The following ASH1L variants were observed in gnomAD, a reference collection of about 807,000 sequenced individuals.
ASH1L encodes the protein ASH1 like histone lysine methyltransferase.
In ASH1L, 23 loss-of-function variants were observed where a neutral mutation model predicts 269.0. The ratio of observed to expected loss-of-function variants is 0.09; its 90% confidence interval spans 0.06 to 0.12. The LOEUF (loss-of-function observed/expected upper bound fraction) is 0.12. Among genes scored for constraint, ASH1L ranks in the 10% least tolerant of loss-of-function variants. ASH1L has a pLI of 1.00. For missense variants in ASH1L, 2,912 were observed against 3,567.8 expected, an observed-to-expected ratio of 0.82 and a Z score of 4.68; for synonymous variants, 1,187 against 1,253.5, an observed-to-expected ratio of 0.95 and a Z score of 1.12.
At chr1:155,472,097 C>T (rs1002412423) in intron 3 of ASH1L, among the ~76,000 whole-genome samples, 10 of 152,174 alleles carry the variant, frequency 6.6e-5, no homozygotes, top group African/African-American at 2.4e-4. Flanking sequence ...TTGAAACTAG[C>T]CTGGCCAATA....
chr1:155,436,307 TCAGCCTCCTGAGTAGC>T (rs1256735309), intron 5 of ASH1L, among the ~76,000 whole-genome samples: 1 of 151,684 alleles, frequency 6.6e-6, no homozygotes, highest in Non-Finnish European at 1.5e-5. Flanking sequence ...TTCTCCTGCC[TCAGCCTCCTGAGTAGC>T]CGGGATTACA....
At chr1:155,394,837 T>C (rs1232612873) in intron 7 of ASH1L, among the ~76,000 whole-genome samples, 1 of 152,222 alleles carries the variant, frequency 6.6e-6, no homozygotes, top group Non-Finnish European at 1.5e-5. Context: ...ATAAATCATC[T>C]ATTTTTGAAC....
At chr1:155,506,557 C>A (rs1361170651) in intron 2 of ASH1L, among the ~76,000 whole-genome samples, 1 of 151,792 alleles carries the variant, frequency 6.6e-6, no homozygotes, top group East Asian at 1.9e-4. Context: ...ATTAGCCAGG[C>A]ATGGTGGCGT....
chr1:155,490,764 CT>C (rs1346788185), intron 2 of ASH1L, among the ~76,000 whole-genome samples: 5 of 151,910 alleles, frequency 3.3e-5, no homozygotes, highest in African/African-American at 9.7e-5. Context: ...TGAGACTACC[CT>C]GTGCAACACA....
chr1:155,432,803 T>C (rs1223578125), intron 5 of ASH1L, among the ~76,000 whole-genome samples: 2 of 152,148 alleles, frequency 1.3e-5, no homozygotes, highest in Non-Finnish European at 2.9e-5. Flanking sequence ...TGGTACAATC[T>C]AGGCTCACTG....
At chr1:155,463,611 G>A (rs1664461088) in intron 3 of ASH1L, among the ~76,000 whole-genome samples, 1 of 151,902 alleles carries the variant, frequency 6.6e-6, no homozygotes, top group Non-Finnish European at 1.5e-5. Flanking sequence ...TGGACAATAT[G>A]GCGAAACTCA....
intron 2 of ASH1L, among the ~76,000 whole-genome samples, chr1:155,508,466 C>T (rs1303767218): frequency 6.6e-6 from 1 of 152,044 alleles, no homozygotes. Context: ...TGGCAAAACC[C>T]CATCTCTACT....
chr1:155,449,230 G>A (rs747436573), intron 4 of ASH1L, among the ~76,000 whole-genome samples: 2 of 151,758 alleles, frequency 1.3e-5, no homozygotes, highest in African/African-American at 4.8e-5. Flanking sequence ...CACCACGCCC[G>A]GCCCTATGTG....
intron 7 of ASH1L, among the ~76,000 whole-genome samples, chr1:155,383,907 A>C (rs1657192557): frequency 6.6e-6 from 1 of 152,206 alleles, no homozygotes; most frequent in Non-Finnish European, 1.5e-5. Flanking sequence ...TCCACTTAAA[A>C]ATGATCAAAA....
At chr1:155,355,078 C>T (rs1472358498) in intron 15 of ASH1L, among the ~76,000 whole-genome samples, 2 of 151,766 alleles carry the variant, frequency 1.3e-5, no homozygotes, top group Admixed American at 6.6e-5. Flanking sequence ...TTTTTTGAGT[C>T]GACGTCTCCC....
intron 17 of ASH1L, among the ~76,000 whole-genome samples, chr1:155,351,222 G>T (rs1653893362): frequency 6.7e-6 from 1 of 148,986 alleles, no homozygotes; most frequent in Non-Finnish European, 1.5e-5. Flanking sequence ...TCCAGCCTGG[G>T]CAACAGAATG....
At chr1:155,541,344 A>T (rs568145416) in intron 1 of ASH1L, among the ~76,000 whole-genome samples, 88 of 152,146 alleles carry the variant, frequency 5.8e-4, no homozygotes, top group African/African-American at 2.0e-3. Flanking sequence ...TATTATATAA[A>T]TTTTTCAGTT....
chr1:155,480,089 G>A lies in ASH1L; in HGVS notation c.2781C>T (p.Asp927=). 6.2e-7 allele frequency: 1 copy of A among 1,614,062 alleles called. No individual in the cohort carries two copies. The highest frequency in any genetic ancestry group is 8.5e-7 in the Non-Finnish European group (1 of 1,180,010). The change falls in exon 3 of 28, where the codon GAC becomes GAT. Residue 927 remains aspartate (D), a synonymous_variant. Coordinates refer to ENST00000392403, the MANE Select transcript of ASH1L (RefSeq NM_018489.3). ...AGAAATCACTGCTACTTCTATGGTT[G>A]TCACTTTCAGATTCTAGCTTGCTTG... ...ESPSKLESES[D]NHRSSSDFFE...
chr1:155,355,560 T>TA (rs1654301834), intron 15 of ASH1L, among the ~76,000 whole-genome samples: 1 of 152,218 alleles, frequency 6.6e-6, no homozygotes, highest in Non-Finnish European at 1.5e-5. Flanking sequence ...TGGGAGACTT[T>TA]AAAAACTACT....
intron 3 of ASH1L, among the ~76,000 whole-genome samples, chr1:155,473,963 G>A (rs1202999433): frequency 6.6e-6 from 1 of 152,120 alleles, no homozygotes; most frequent in East Asian, 1.9e-4. Context: ...AGCCTCCCGA[G>A]TAGCTGAGAC....
At chr1:155,509,150 T>C (rs918738149) in intron 2 of ASH1L, among the ~76,000 whole-genome samples, 9 of 152,184 alleles carry the variant, frequency 5.9e-5, no homozygotes, top group Non-Finnish European at 1.2e-4. Context: ...GTTAGGAGGA[T>C]GGATTAGTCC....
At chr1:155,342,807 ACAGTATT>A (rs1652925594) in intron 24 of ASH1L, among the ~76,000 whole-genome samples, 1 of 152,234 alleles carries the variant, frequency 6.6e-6, no homozygotes, top group South Asian at 2.1e-4. Context: ...AAATTAGTAC[ACAGTATT>A]AACAAAATTA....
At chr1:155,490,645 T>TAC (rs1558161527) in intron 2 of ASH1L, among the ~76,000 whole-genome samples, 24 of 61,614 alleles carry the variant, frequency 3.9e-4, no homozygotes, top group African/African-American at 1.1e-3. Context: ...CACACACACA[T>TAC]ACACACACAC....
rs74457018 is a variant in ASH1L at position 155,435,555 on chromosome 1, C to G, written c.5828+2772G>C. Among the ~76,000 whole-genome samples, 356 of 151,780 alleles carry G rather than the reference C, an allele frequency of 2.3e-3. 3 individuals are homozygous for G. The highest frequency in any genetic ancestry group is 3.8e-3 in the Non-Finnish European group (255 of 67,964). ...ACTAGTTTAATTAAATTATTTATTA[C>G]CAGCGTGTATTGCTCCTGAAATTAA... is the stretch of plus-strand genomic sequence containing the variant. On this transcript the variant is annotated intron_variant, in intron 5 of 27. Coordinates refer to ENST00000392403, the MANE Select transcript of ASH1L (RefSeq NM_018489.3).
Sources: gnomAD v4.1 joint callset for allele counts (sites outside exome capture counted in the v4.1 genomes callset) on GRCh38, gnomAD v4.1.1 for gene constraint, MANE v1.5 for transcripts, NCBI Gene and HGNC (gene_info 2026-07-23, HGNC 2026-07-21) for gene names.